The following FHOD3 variants were observed in gnomAD, a reference collection of about 807,000 sequenced individuals.
FHOD3 encodes FH1/FH2 domain-containing protein 3.
FHOD3 carries 90 observed loss-of-function variants against 173.0 expected under a neutral mutation model. The ratio of observed to expected loss-of-function variants is 0.52; its 90% CI spans 0.44 to 0.62. The LOEUF is 0.62. FHOD3 is among the 20% of genes least tolerant of loss of function. The probability of loss-of-function intolerance (pLI) is 0.00; values close to 1 mark genes in which losing one functional copy is unlikely to be tolerated. For missense variants in FHOD3, 1,945 were observed against 2,034.7 expected (o/e 0.96, Z 0.85); for synonymous variants, 828 against 823.0 (o/e 1.01, Z -0.10).
intron 2 of FHOD3, among the ~76,000 whole-genome samples, chr18:36,372,430 G>A (rs1423442717): frequency 2.0e-5 from 3 of 152,220 alleles, no homozygotes; most frequent in African/African-American, 4.8e-5. Flanking sequence ...CTCTGTGGAT[G>A]GAATGAATCG....
chr18:36,727,591 G>T (rs2041141781), intron 19 of FHOD3, among the ~76,000 whole-genome samples: 1 of 152,128 alleles, frequency 6.6e-6, no homozygotes, highest in African/African-American at 2.4e-5. Context: ...ATCCTCTGTG[G>T]GGACAGCTCT....
intron 27 of FHOD3, among the ~76,000 whole-genome samples, chr18:36,764,434 C>T (rs559370095): frequency 6.6e-6 from 1 of 152,110 alleles, no homozygotes; most frequent in African/African-American, 2.4e-5. Flanking sequence ...GCTTTGTATG[C>T]TAGGCTAAAC....
At chr18:36,572,625 C>T (rs531732155) in intron 5 of FHOD3, among the ~76,000 whole-genome samples, 20 of 152,220 alleles carry the variant, frequency 1.3e-4, no homozygotes, top group African/African-American at 3.1e-4. Flanking sequence ...TAGAATGTTG[C>T]GGGGAACAGA....
intron 3 of FHOD3, among the ~76,000 whole-genome samples, chr18:36,447,153 C>T (rs1169169948): frequency 6.6e-6 from 1 of 152,178 alleles, no homozygotes; most frequent in African/African-American, 2.4e-5. Context: ...AAACCACAAC[C>T]TCCAGGAAGA....
chr18:36,312,386 G>T (rs966431871), intron 1 of FHOD3, among the ~76,000 whole-genome samples: 1 of 152,086 alleles, frequency 6.6e-6, no homozygotes, highest in Non-Finnish European at 1.5e-5. Flanking sequence ...ACCCCCTAGA[G>T]CTGACCCCTG....
intron 6 of FHOD3, among the ~76,000 whole-genome samples, chr18:36,594,398 TAAG>T (rs2029939094): frequency 6.6e-6 from 1 of 152,046 alleles, no homozygotes; most frequent in South Asian, 2.1e-4. Flanking sequence ...ACGAGAAAAA[TAAG>T]AATGGTGCTT....
intron 3 of FHOD3, among the ~76,000 whole-genome samples, chr18:36,458,224 TGAAG>T (rs1158137860): frequency 1.3e-5 from 2 of 151,630 alleles, no homozygotes; most frequent in Non-Finnish European, 2.9e-5. Context: ...CTCTGGTTGG[TGAAG>T]GAAGGAAGGA....
chr18:36,418,667 CT>C (rs1050164598), intron 3 of FHOD3, among the ~76,000 whole-genome samples: 2 of 152,076 alleles, frequency 1.3e-5, no homozygotes, highest in Non-Finnish European at 2.9e-5. Context: ...AACCCCAGCA[CT>C]TTGGGAGGCT....
intron 9 of FHOD3, among the ~76,000 whole-genome samples, chr18:36,617,583 C>CTGTGTGTGTGTGTGTGTGTG (rs763613681): frequency 2.6e-5 from 3 of 116,244 alleles, no homozygotes; most frequent in African/African-American, 8.4e-5. Flanking sequence ...TTGTACTTCC[C>CTGTGTGTGTGTGTGTGTGTG]TGTGTGTGTG....
intron 3 of FHOD3, among the ~76,000 whole-genome samples, chr18:36,379,653 A>G (rs1295490630): frequency 6.6e-6 from 1 of 152,210 alleles, no homozygotes; most frequent in Non-Finnish European, 1.5e-5. Context: ...TTAGACTCCT[A>G]AGTTCCTATC....
Position 36,438,444 on chromosome 18 carries a change from T to C in FHOD3, c.338-63488T>C, listed in dbSNP as rs566079914. Among the ~76,000 whole-genome samples, 3 of 152,240 alleles carry C rather than the reference T, an allele frequency of 2.0e-5. No individual in the cohort carries two copies. In the East Asian group the frequency reaches 5.8e-4, roughly 29 times the overall value. The stretch of plus-strand genomic sequence containing the variant: ...CACCGGCTCCCCTGCTTTCTCCCTC[T>C]CTCTTTCTGGCAGCTTCTCTGGCTG... On this transcript the variant is annotated intron_variant, in intron 3 of 28. Transcript: ENST00000590592.
At chr18:36,653,037 C>A (rs895521666) in intron 12 of FHOD3, 108 bp downstream of exon 12, 21 of 1,390,260 alleles carry the variant, frequency 1.5e-5, no homozygotes, top group Non-Finnish European at 1.0e-5. Context: ...TTGTGGATTT[C>A]AGCCCAAGCA....
chr18:36,657,477 G>A (rs924540604), intron 13 of FHOD3, among the ~76,000 whole-genome samples: 1 of 152,212 alleles, frequency 6.6e-6, no homozygotes, highest in African/African-American at 2.4e-5. Flanking sequence ...CCTCATGGCT[G>A]TAATTTTGGT....
intron 1 of FHOD3, among the ~76,000 whole-genome samples, chr18:36,310,530 T>C (rs1245635677): frequency 6.6e-6 from 1 of 151,214 alleles, no homozygotes; most frequent in Non-Finnish European, 1.5e-5. Flanking sequence ...TACTAAAAAG[T>C]ACAAAAATTA....
intron 10 of FHOD3, among the ~76,000 whole-genome samples, chr18:36,627,444 G>A (rs77590176): frequency 2.5e-3 from 375 of 152,246 alleles, no homozygotes; most frequent in Non-Finnish European, 4.4e-3. Flanking sequence ...ATGATGATAC[G>A]GAAGTGGACC....
chr18:36,310,444 A>T (rs1342577092), intron 1 of FHOD3, among the ~76,000 whole-genome samples: 1 of 152,062 alleles, frequency 6.6e-6, no homozygotes, highest in Non-Finnish European at 1.5e-5. Flanking sequence ...CCACCACTTC[A>T]GGAGGTTGAG....
chr18:36,608,005 A>G (rs1021901640), intron 8 of FHOD3, among the ~76,000 whole-genome samples: 4 of 152,196 alleles, frequency 2.6e-5, no homozygotes, highest in Admixed American at 2.6e-4. Context: ...AGCTCCCACC[A>G]GAGTCAACCA....
intron 19 of FHOD3, among the ~76,000 whole-genome samples, chr18:36,720,227 G>A (rs11081963): frequency 0.3 from 43,614 of 143,884 alleles, 6,983 homozygotes; most frequent in South Asian, 0.45. Context: ...CACATGCCCC[G>A]TTCCAATTCT....
intron 23 of FHOD3, among the ~76,000 whole-genome samples, chr18:36,745,087 G>A (rs968240830): frequency 2.0e-5 from 3 of 152,122 alleles, no homozygotes; most frequent in Admixed American, 6.5e-5. Flanking sequence ...GAAGGATGTG[G>A]GTTGGCTGCT....
Sources: gnomAD v4.1 joint callset for allele counts (sites outside exome capture counted in the v4.1 genomes callset) on GRCh38, gnomAD v4.1.1 for gene constraint, MANE v1.5 for transcripts, NCBI Gene and HGNC (gene_info 2026-07-23, HGNC 2026-07-21) for gene names.